PANK2: variants seen among roughly 807,000 people sequenced by gnomAD.
PANK2 encodes the protein pantothenate kinase 2.
Under a neutral mutation model 43.1 loss-of-function variants are expected in PANK2, and 36 were observed. The observed-to-expected ratio is 0.84, with a 90% CI of 0.64 to 1.10. The LOEUF (loss-of-function observed/expected upper bound fraction) is 1.10, where lower values mean the gene tolerates loss of function less well. Ranked by LOEUF, PANK2 falls within the 50% of genes least tolerant of loss-of-function variation. The pLI is 0.00. For synonymous variants in PANK2, 281 were observed against 238.2 expected, an observed-to-expected ratio of 1.18 and a Z score of -1.66; for missense variants, 576 against 593.3, an observed-to-expected ratio of 0.97 and a Z score of 0.30.
At chr20:3,889,827 C>T (rs2090087407) in intron 1 of PANK2, 99 bp downstream of exon 1, 2 of 1,538,304 alleles carry the variant, frequency 1.3e-6, no homozygotes, top group Non-Finnish European at 1.7e-6. Flanking sequence ...CGCGCGCGGA[C>T]ACTGTCCCCG....
intron 1 of PANK2, among the ~76,000 whole-genome samples, chr20:3,896,348 G>A (rs568840845): frequency 6.6e-6 from 1 of 151,534 alleles, no homozygotes. Context: ...GAAGTGCTGG[G>A]ATTACAAGCG....
At chr20:3,919,471 G>C (rs1480412905) in intron 6 of PANK2, among the ~76,000 whole-genome samples, 1 of 151,650 alleles carries the variant, frequency 6.6e-6, no homozygotes, top group Non-Finnish European at 1.5e-5. Context: ...TGTAATTCTT[G>C]TGCCAGTTAT....
At chr20:3,922,066 C>T (rs1264523150) in intron 6 of PANK2, among the ~76,000 whole-genome samples, 3 of 152,146 alleles carry the variant, frequency 2.0e-5, no homozygotes, top group African/African-American at 4.8e-5. Context: ...TTTGGCCTCT[C>T]GTTTGATCAG....
At chr20:3,894,516 A>G (rs1187718104) in intron 1 of PANK2, among the ~76,000 whole-genome samples, 1 of 152,188 alleles carries the variant, frequency 6.6e-6, no homozygotes, top group Non-Finnish European at 1.5e-5. Flanking sequence ...CTGGGATTAC[A>G]GGTGTGAGCC....
In PANK2 at chr20:3,918,718, G is replaced by A. The variant is rs1327369851; in HGVS notation, c.1254G>A (p.Thr418=). Residue 418 remains threonine, a synonymous_variant, in exon 6 of 7, where the codon ACG becomes ACA. Transcript: ENST00000610179. ...TTGGAAATTTCTTGAGAATTAATACGATCGCCATGCGGCTTTTGGCATATG... is the reference window on the plus strand; with the variant it reads ...TTGGAAATTTCTTGAGAATTAATACAATCGCCATGCGGCTTTTGGCATATG... 5 of 1,614,162 alleles carry A rather than the reference G, an allele frequency of 3.1e-6. No homozygotes were observed. In the South Asian group the frequency reaches 3.3e-5, roughly 11 times the overall value.
intron 4 of PANK2, among the ~76,000 whole-genome samples, chr20:3,913,790 A>ATAT (rs1237943840): frequency 1.4e-3 from 193 of 138,476 alleles, no homozygotes; most frequent in African/African-American, 4.1e-3. Context: ...ATATATATAT[A>ATAT]TTTTTTTTTT....
At position 3,910,765 on chromosome 20, in the gene PANK2, T is replaced by G; in HGVS notation, c.840T>G (p.Ile280Met). The G allele has an allele frequency of 6.2e-7, 1 of 1,614,192 alleles. No individual in the cohort carries two copies. Among genetic ancestry groups the G allele is most frequent in the Non-Finnish European group, 8.5e-7 (1 of 1,180,016 alleles). Residue 280 changes from isoleucine (I) to methionine (M), a missense_variant, in exon 3 of 7, where the codon ATT becomes ATG. By Grantham distance (10) the Ile-to-Met change is conservative. This residue lies in a region of PANK2 where 544 missense variants were observed against 528.9 expected (regional missense o/e 1.03). Transcript: ENST00000610179. ...CGTATCCTCTGCTTCTGGTGAACAT[T>G]GGCTCAGGGGTTAGCATCTTAGCAG...
intron 4 of PANK2, among the ~76,000 whole-genome samples, chr20:3,913,557 A>G (rs2090503444): frequency 6.6e-6 from 1 of 152,004 alleles, no homozygotes; most frequent in Admixed American, 6.6e-5. Context: ...TTGGCCGGGC[A>G]GGTCTCGAAC....
chr20:3,913,435 C>G (rs1568576595), intron 4 of PANK2, among the ~76,000 whole-genome samples: 1 of 151,894 alleles, frequency 6.6e-6, no homozygotes, highest in Non-Finnish European at 1.5e-5. Context: ...CCCCCACCTC[C>G]CAGGTTCAAG....
chr20:3,888,972 G>C (rs2090059002), upstream of PANK2: 1 of 710,404 alleles, frequency 1.4e-6, no homozygotes, highest in Non-Finnish European at 2.2e-6. Flanking sequence ...AGCACTGCTG[G>C]GCTGGAGGAG....
chr20:3,898,611 T>C (rs1280400680), intron 1 of PANK2, among the ~76,000 whole-genome samples: 1 of 152,130 alleles, frequency 6.6e-6, no homozygotes, highest in Non-Finnish European at 1.5e-5. Flanking sequence ...CTGTCATTCA[T>C]TTAAAAATAA....
At chr20:3,889,272 C>A, upstream of PANK2, 1 of 1,611,416 alleles carries the variant, frequency 6.2e-7, no homozygotes. Flanking sequence ...GGTCAATCCT[C>A]CTCGAGTTAG....
At chr20:3,913,131 A>T (rs577003946) in intron 4 of PANK2, among the ~76,000 whole-genome samples, 1 of 152,114 alleles carries the variant, frequency 6.6e-6, no homozygotes, top group East Asian at 1.9e-4. Flanking sequence ...CCTAGAAAGA[A>T]ACCTTGTGTT....
chr20:3,904,750 AT>A (rs1234259203), intron 1 of PANK2, among the ~76,000 whole-genome samples: 1 of 151,894 alleles, frequency 6.6e-6, no homozygotes. Flanking sequence ...ATGAGTTATG[AT>A]TTTACCTCTG....
At chr20:3,893,931 G>GTTTTTTTTTT (rs374582085) in intron 1 of PANK2, among the ~76,000 whole-genome samples, 3 of 73,172 alleles carry the variant, frequency 4.1e-5, no homozygotes, top group Non-Finnish European at 3.1e-5. Context: ...TTTGTTTTTT[G>GTTTTTTTTTT]TTTTTTTTTT....
intron 5 of PANK2, chr20:3,917,372 A>C: frequency 2.0e-6 from 1 of 512,156 alleles, no homozygotes; most frequent in South Asian, 1.5e-5. Flanking sequence ...TAGACTCCAC[A>C]CTCACTGCTG....
chr20:3,923,126 C>T, intron 6 of PANK2, 118 bp from the exon 7 acceptor site: 1 of 1,216,668 alleles, frequency 8.2e-7, no homozygotes, highest in Non-Finnish European at 1.2e-6. Context: ...CTGGGGTGCT[C>T]AGGAAATGGG....
intron 1 of PANK2, among the ~76,000 whole-genome samples, chr20:3,892,378 A>T (rs1313919916): frequency 6.6e-6 from 1 of 151,476 alleles, no homozygotes; most frequent in African/African-American, 2.4e-5. Flanking sequence ...CAGCTTGTTG[A>T]CTGCCGAACC....
intron 5 of PANK2, among the ~76,000 whole-genome samples, chr20:3,918,248 G>A (rs2090593459): frequency 2.0e-5 from 3 of 151,972 alleles, no homozygotes; most frequent in Admixed American, 6.6e-5. Context: ...AGGTTAATAG[G>A]TCTAAAATTT....
Sources: allele counts gnomAD v4.1 joint callset (sites outside exome capture counted in the v4.1 genomes callset), GRCh38; gene constraint gnomAD v4.1.1; regional missense constraint gnomAD v4.1.1; transcripts MANE v1.5; gene names NCBI Gene and HGNC (gene_info 2026-07-23, HGNC 2026-07-21).